NCAM2: variants seen among roughly 807,000 people sequenced by gnomAD.
NCAM2 encodes neural cell adhesion molecule 2.
Under a neutral mutation model 98.1 loss-of-function variants are expected in NCAM2, and 30 were observed. The observed-to-expected ratio is 0.31, with a 90% CI of 0.23 to 0.41. The LOEUF is 0.41. Among genes scored for constraint, NCAM2 ranks in the 10% least tolerant of loss-of-function variants. NCAM2 has a pLI of 1.00. For missense variants in NCAM2, 867 were observed against 1,005.8 expected, an observed-to-expected ratio of 0.86 and a Z score of 1.87; for synonymous variants, 368 against 342.4, an observed-to-expected ratio of 1.07 and a Z score of -0.83.
intron 1 of NCAM2, among the ~76,000 whole-genome samples, chr21:21,169,214 T>C (rs952357919): frequency 9.9e-5 from 15 of 152,066 alleles, no homozygotes; most frequent in African/African-American, 3.1e-4. Flanking sequence ...ACAAATGATA[T>C]GGGAGCAACT....
At chr21:21,044,904 G>A (rs1265118597) in intron 1 of NCAM2, among the ~76,000 whole-genome samples, 2 of 151,972 alleles carry the variant, frequency 1.3e-5, no homozygotes, top group African/African-American at 4.8e-5. Context: ...GAGAGACCCT[G>A]TCTTAAAATA....
intron 1 of NCAM2, among the ~76,000 whole-genome samples, chr21:21,252,992 G>A (rs946145501): frequency 1.8e-4 from 27 of 152,146 alleles, no homozygotes; most frequent in African/African-American, 6.5e-4. Flanking sequence ...TGGAAAACTG[G>A]CCATTTTTCT....
chr21:21,058,885 A>C (rs557194613), intron 1 of NCAM2, among the ~76,000 whole-genome samples: 1 of 152,046 alleles, frequency 6.6e-6, no homozygotes, highest in Non-Finnish European at 1.5e-5. Context: ...GTGAATTTCT[A>C]TTAGACTGTT....
intron 15 of NCAM2, among the ~76,000 whole-genome samples, chr21:21,497,979 T>A (rs904820299): frequency 4.6e-5 from 7 of 152,246 alleles, no homozygotes; most frequent in African/African-American, 1.7e-4. Flanking sequence ...AATATGTGGA[T>A]GCTGTAAATA....
rs1003317843 is a variant in NCAM2, at chr21:21,014,896, G to A, written c.55+16278G>A. On this transcript the variant is annotated intron_variant, in intron 1 of 17. Coordinates refer to ENST00000400546, the MANE Select transcript of NCAM2 (RefSeq NM_004540.5). ...AGGTCACATGTCAACATTAATAGGA[G>A]TTTGGAAGTTATTCCTCGTATTTCT... Among the ~76,000 whole-genome samples the A allele has an allele frequency of 2.0e-5, 3 of 152,156 alleles. No homozygotes were observed. The East Asian group carries it at 5.8e-4, about 29-fold the overall frequency.
At chr21:21,430,821 G>A (rs1288705853) in intron 11 of NCAM2, among the ~76,000 whole-genome samples, 2 of 151,940 alleles carry the variant, frequency 1.3e-5, no homozygotes, top group African/African-American at 4.8e-5. Flanking sequence ...GCCAAGGTGG[G>A]CAGATCACGA....
chr21:21,210,875 TG>T (rs1411004170), intron 1 of NCAM2, among the ~76,000 whole-genome samples: 1 of 144,064 alleles, frequency 6.9e-6, no homozygotes, highest in Non-Finnish European at 1.5e-5. Context: ...GGGGGAGAGT[TG>T]GGAGGGTGGG....
intron 8 of NCAM2, among the ~76,000 whole-genome samples, chr21:21,369,448 T>C (rs73322792): frequency 6.6e-6 from 1 of 151,878 alleles, no homozygotes. Flanking sequence ...TATGTACAAG[T>C]TTTTGTGTGG....
chr21:21,307,290 C>A (rs2826783), intron 5 of NCAM2, among the ~76,000 whole-genome samples: 18 of 151,882 alleles, frequency 1.2e-4, no homozygotes, highest in Admixed American at 1.2e-3. Flanking sequence ...TATTTTAGTA[C>A]GTGGTTTTCA....
At chr21:21,483,069 TA>T (rs1171661964) in intron 15 of NCAM2, among the ~76,000 whole-genome samples, 2 of 152,002 alleles carry the variant, frequency 1.3e-5, no homozygotes, top group African/African-American at 4.8e-5. Flanking sequence ...ATCTAATGTT[TA>T]AAAAAATCCT....
At chr21:21,239,820 G>A (rs1312729783) in intron 1 of NCAM2, among the ~76,000 whole-genome samples, 1 of 152,038 alleles carries the variant, frequency 6.6e-6, no homozygotes, top group African/African-American at 2.4e-5. Context: ...AGATGGACTA[G>A]CATTTTAAAA....
At chr21:21,448,543 A>T (rs569855179) in intron 12 of NCAM2, among the ~76,000 whole-genome samples, 11 of 151,824 alleles carry the variant, frequency 7.2e-5, no homozygotes, top group African/African-American at 2.7e-4. Flanking sequence ...AATAAGTAAA[A>T]TAATCAGTAT....
chr21:21,317,538 A>T (rs1234337528), intron 5 of NCAM2, among the ~76,000 whole-genome samples: 1 of 149,072 alleles, frequency 6.7e-6, no homozygotes, highest in Non-Finnish European at 1.5e-5. Context: ...TGATTCTTAA[A>T]ATTAATTAAT....
chr21:21,167,674 A>G (rs1047340201), intron 1 of NCAM2, among the ~76,000 whole-genome samples: 2 of 152,184 alleles, frequency 1.3e-5, no homozygotes, highest in Non-Finnish European at 2.9e-5. Flanking sequence ...TTAAAATCAT[A>G]AAGGAATATT....
intron 9 of NCAM2, among the ~76,000 whole-genome samples, chr21:21,407,750 G>C (rs1398226931): frequency 3.3e-5 from 5 of 152,096 alleles, no homozygotes; most frequent in African/African-American, 1.2e-4. Context: ...TTGTTGGATT[G>C]AGTTTATTTG....
intron 1 of NCAM2, among the ~76,000 whole-genome samples, chr21:21,191,501 A>G (rs2068822873): frequency 6.6e-6 from 1 of 152,176 alleles, no homozygotes; most frequent in South Asian, 2.1e-4. Context: ...GTTATTCTAT[A>G]TGCAACTTAA....
intron 15 of NCAM2, among the ~76,000 whole-genome samples, chr21:21,508,564 G>GTACT (rs1418828137): frequency 6.6e-6 from 1 of 151,510 alleles, no homozygotes; most frequent in African/African-American, 2.4e-5. Flanking sequence ...AAAAGAAGAG[G>GTACT]TACTTAGACA....
At chr21:21,095,473 G>A (rs2066101941) in intron 1 of NCAM2, among the ~76,000 whole-genome samples, 2 of 138,308 alleles carry the variant, frequency 1.4e-5, no homozygotes, top group Non-Finnish European at 3.0e-5. Flanking sequence ...TAAAGACACA[G>A]ATAATTTTAC....
chr21:21,476,934 C>T (rs1485423440), intron 14 of NCAM2, among the ~76,000 whole-genome samples: 1 of 151,714 alleles, frequency 6.6e-6, no homozygotes, highest in African/African-American at 2.4e-5. Context: ...TTCTGTGTAT[C>T]ATGTTTCATT....
Sources: gnomAD v4.1 joint callset for allele counts (sites outside exome capture counted in the v4.1 genomes callset) on GRCh38, gnomAD v4.1.1 for gene constraint, MANE v1.5 for transcripts, NCBI Gene and HGNC (gene_info 2026-07-23, HGNC 2026-07-21) for gene names.